The following TBC1D2 variants were observed in gnomAD, a reference collection of about 807,000 sequenced individuals.
The protein encoded by TBC1D2 is TBC1 domain family member 2.
In TBC1D2, 58 loss-of-function variants were observed where a neutral mutation model predicts 91.1. The observed-to-expected ratio is 0.64, with a 90% CI of 0.52 to 0.79. TBC1D2 has a LOEUF of 0.79. Among genes scored for constraint, TBC1D2 ranks in the 30% least tolerant of loss-of-function variants. TBC1D2 has a pLI of 0.00. For missense variants in TBC1D2, 1,080 were observed against 1,208.3 expected (o/e 0.89, Z 1.57); for synonymous variants, 482 against 511.5 (o/e 0.94, Z 0.78).
chr9:98,210,353 C>T (rs540906109), intron 8 of TBC1D2, among the ~76,000 whole-genome samples: 34 of 152,284 alleles, frequency 2.2e-4, no homozygotes, highest in Non-Finnish European at 3.8e-4. Flanking sequence ...GCTTGTCTCC[C>T]CTCGTCCCCT....
chr9:98,221,139 C>T lies in TBC1D2; in HGVS notation c.1068G>A (p.Lys356=). 3.8e-6 allele frequency: 6 copies of T among 1,585,582 alleles called. No homozygotes were observed. Among genetic ancestry groups the T allele is most frequent in the African/African-American group, 1.3e-5 (1 of 74,412 alleles). Reference sequence around the variant, plus strand: ...TGTGCCGCACCAGCTCCAGCCGGTCCTTGTCCTCAGCCGCCGCCAGGTATG... The same window carrying T: ...TGTGCCGCACCAGCTCCAGCCGGTCTTTGTCCTCAGCCGCCGCCAGGTATG... ...SSAYLAAAED[K]DRLELVRHKV... The change falls in exon 6 of 13, where the codon AAG becomes AAA. Residue 356 remains lysine (K), a synonymous_variant. Coordinates refer to ENST00000465784, the MANE Select transcript of TBC1D2 (RefSeq NM_001267571.2).
chr9:98,236,396 T>A (rs936338717), intron 3 of TBC1D2, among the ~76,000 whole-genome samples: 7 of 152,150 alleles, frequency 4.6e-5, no homozygotes, highest in African/African-American at 1.7e-4. Flanking sequence ...GCTAATTTTG[T>A]ATTTTTAGTA....
chr9:98,210,381 G>A (rs1293570964), intron 8 of TBC1D2, among the ~76,000 whole-genome samples: 1 of 152,180 alleles, frequency 6.6e-6, no homozygotes, highest in Non-Finnish European at 1.5e-5. Context: ...AGGCACATCT[G>A]GGAGGCAGCC....
At chr9:98,251,660 T>C (rs2131299955) in intron 2 of TBC1D2, 125 bp downstream of exon 2, 2 of 1,367,728 alleles carry the variant, frequency 1.5e-6, no homozygotes, top group Non-Finnish European at 9.5e-7. Flanking sequence ...TAACTAATCC[T>C]GAGTCATATC....
At position 98,210,844 on chromosome 9, in the gene TBC1D2, C is replaced by G. The variant is rs772655213; in HGVS notation, c.1486-1G>C. 3.9e-6 allele frequency: 6 copies of G among 1,550,786 alleles called. No individual in the cohort carries two copies. Among genetic ancestry groups the G allele is most frequent in the Non-Finnish European group, 5.2e-6 (6 of 1,146,386 alleles). On this transcript the variant is annotated splice_acceptor_variant, in intron 7 of 12. Coordinates refer to ENST00000465784, the MANE Select transcript of TBC1D2 (RefSeq NM_001267571.2). LOFTEE classifies it high-confidence loss of function. ...AGTTTCTGGCTTGGAGGTAGGCGCA[C>G]TGCAAACAGGGAAAGGCTGGTCAGG...
chr9:98,247,187 C>T (rs76071538), intron 2 of TBC1D2, among the ~76,000 whole-genome samples: 21,189 of 151,792 alleles, frequency 0.14, 3,601 homozygotes, highest in African/African-American at 0.41. Context: ...ACAAACTGGG[C>T]GTGGTGACGT....
Position 98,246,544 on chromosome 9 carries a change from T to C in TBC1D2, c.512-2415A>G, listed in dbSNP as rs542812573. 4.6e-5 allele frequency among the ~76,000 whole-genome samples: 7 copies of C among 152,018 alleles called. No individual in the cohort carries two copies. The South Asian group carries it at 1.5e-3, about 32-fold the overall frequency. On this transcript the variant is annotated intron_variant, in intron 2 of 12. Transcript: ENST00000465784. ...TTACCCTGAGGCTTGTGAGTGGGGC[T>C]GGAGAAAGTGAGAAGAATAAAAGCA...
rs371691159 is a variant in TBC1D2, at chr9:98,211,663, G to A, written c.1486-820C>T. ...AATTCTGTTGCACCCTTGCCCGGTC[G>A]CCATCTCCAAACACTTGCCGGGCAC... On this transcript the variant is annotated intron_variant, in intron 7 of 12. Coordinates refer to ENST00000465784, the MANE Select transcript of TBC1D2 (RefSeq NM_001267571.2). Among the ~76,000 whole-genome samples, 23 of 152,168 alleles carry A rather than the reference G, an allele frequency of 1.5e-4. No individual in the cohort carries two copies. In the East Asian group the frequency reaches 3.7e-3, roughly 24 times the overall value.
In TBC1D2 at chr9:98,199,401, C is replaced by T. The variant is rs753436768; in HGVS notation, c.2767G>A (p.Glu923Lys). ...CCAAGTCAGGCTTCCCCCTCCACCT[C>T]GTCCTCGCTGGCACAGCCCTCGGAC... ...AVSEGCASED[E>K]VEGEA Residue 923 changes from glutamate (E) to lysine (K), a missense_variant, in exon 13 of 13, where the codon GAG (glutamate) becomes AAG (lysine). Coordinates refer to ENST00000465784, the MANE Select transcript of TBC1D2 (RefSeq NM_001267571.2). 1.4e-5 allele frequency: 23 copies of T among 1,613,262 alleles called. No homozygotes were observed. Among genetic ancestry groups the T allele is most frequent in the Admixed American group, 1.2e-4 (7 of 60,004 alleles).
Position 98,255,377 on chromosome 9 carries a change from G to A in TBC1D2, c.165C>T (p.Phe55=), listed in dbSNP as rs750872937. ...AGCCCCGGATGGGCCCTTTGCCGCC[G>A]AACTTACTTAAATACCCACAGAGTT... ...PKKLCGYLSK[F]GGKGPIRGWK... Residue 55 remains phenylalanine (F), a synonymous_variant, in exon 1 of 13, where the codon TTC becomes TTT. Transcript: ENST00000465784. 2 of 1,614,238 alleles carry A rather than the reference G, an allele frequency of 1.2e-6. No individual in the cohort carries two copies. The highest frequency in any genetic ancestry group is 1.1e-5 in the South Asian group (1 of 91,084).
intron 7 of TBC1D2, 43 bp downstream of exon 7, chr9:98,213,065 G>A: frequency 1.2e-6 from 2 of 1,607,906 alleles, no homozygotes; most frequent in Non-Finnish European, 8.5e-7. Flanking sequence ...ACCAGCAGAG[G>A]GGCCAGGGAT....
At chr9:98,222,718 C>G (rs1268663039) in intron 5 of TBC1D2, among the ~76,000 whole-genome samples, 3 of 152,270 alleles carry the variant, frequency 2.0e-5, no homozygotes. Context: ...CTGCCCTGCT[C>G]TGTGCTTCTC....
chr9:98,237,699 G>A (rs973655558), intron 3 of TBC1D2, among the ~76,000 whole-genome samples: 4 of 150,884 alleles, frequency 2.7e-5, no homozygotes, highest in Admixed American at 1.3e-4. Context: ...TAGTAGAGAC[G>A]GGGCAAACTT....
chr9:98,201,371 T>C (rs3739668), intron 11 of TBC1D2, 108 bp downstream of exon 11: 401,178 of 1,040,894 alleles, frequency 0.39, 78,751 homozygotes, highest in African/African-American at 0.5. Flanking sequence ...GTTCAACAGC[T>C]CTGACAAGTA....
chr9:98,199,200 A>G lies in TBC1D2; in HGVS notation c.*181T>C, dbSNP rs1291299070. The stretch of plus-strand genomic sequence containing the variant: ...TAAGTGCCTATGAAGAAGTAGCCCA[A>G]CCAATGGCTTTGCAGCACACAATGT... On this transcript the variant is annotated 3_prime_UTR_variant, in exon 13 of 13. Coordinates refer to ENST00000465784, the MANE Select transcript of TBC1D2 (RefSeq NM_001267571.2). 6 of 700,774 alleles carry G rather than the reference A, an allele frequency of 8.6e-6. No homozygotes were observed. Among genetic ancestry groups the G allele is most frequent in the Non-Finnish European group, 1.4e-5 (6 of 419,916 alleles). The allele number at this position is 700,774 out of a possible 1,614,324, so 43.4% of individuals were successfully genotyped here.
chr9:98,251,754 T>C, intron 2 of TBC1D2, 31 bp downstream of exon 2: 1 of 1,541,480 alleles, frequency 6.5e-7, no homozygotes, highest in Non-Finnish European at 8.7e-7. Context: ...GAGCCCTGGG[T>C]GTGCAGGCAG....
rs1328054275 is a variant in TBC1D2 at position 98,210,839 on chromosome 9, G to A, written c.1490C>T (p.Ala497Val). 6.4e-7 allele frequency: 1 copy of A among 1,551,232 alleles called. No homozygotes were observed. ...CTGGCAGTTTCTGGCTTGGAGGTAG[G>A]CGCACTGCAAACAGGGAAAGGCTGG... ...EKEKALLTKC[A>V]YLQARNCQVE... The change falls in exon 8 of 13, where the codon GCC becomes GTC. Residue 497 changes from alanine (A) to valine (V), a missense_variant. By Grantham distance (64) the Ala-to-Val change is moderately conservative. Transcript: ENST00000465784.
At chr9:98,233,308 GAC>G in intron 4 of TBC1D2, 106 bp downstream of exon 4, 1 of 1,444,518 alleles carries the variant, frequency 6.9e-7, no homozygotes, top group South Asian at 1.4e-5. Context: ...AGCCAACTAA[GAC>G]ACACACAAAA....
chr9:98,254,887 T>C (rs551001729), intron 1 of TBC1D2, among the ~76,000 whole-genome samples: 2 of 152,172 alleles, frequency 1.3e-5, no homozygotes, highest in East Asian at 3.9e-4. Context: ...AGAAAGACTA[T>C]GGGATTCCAA....
Sources: gnomAD v4.1 joint callset for allele counts (sites outside exome capture counted in the v4.1 genomes callset) on GRCh38, gnomAD v4.1.1 for gene constraint, MANE v1.5 for transcripts, NCBI Gene and HGNC (gene_info 2026-07-23, HGNC 2026-07-21) for gene names.